Variants in HAPLN2 observed in about 807,000 individuals in gnomAD.
HAPLN2 encodes the protein hyaluronan and proteoglycan link protein 2, also known as brain link protein-1.
HAPLN2 carries 27 observed loss-of-function variants against 29.3 expected under a neutral mutation model. The observed-to-expected ratio is 0.92, with a 90% CI of 0.68 to 1.27. HAPLN2 has a LOEUF of 1.27. Among genes scored for constraint, HAPLN2 ranks in the 50% most tolerant of loss-of-function variants. HAPLN2 has a pLI of 0.00. For synonymous variants in HAPLN2, 208 were observed against 211.7 expected, an observed-to-expected ratio of 0.98 and a Z score of 0.15; for missense variants, 454 against 484.3, an observed-to-expected ratio of 0.94 and a Z score of 0.59.
the HAPLN2 span, among the ~76,000 whole-genome samples, chr1:156,611,266 TA>T: frequency 0.62 from 85,826 of 138,168 alleles, 27,618 homozygotes; most frequent in Non-Finnish European, 0.73. Flanking sequence ...AGTGAGACCC[TA>T]AAAAAAAAAA....
intron 3 of HAPLN2, 48 bp from the exon 4 acceptor site, chr1:156,623,759 G>A: frequency 6.8e-7 from 1 of 1,470,332 alleles, no homozygotes; most frequent in Middle Eastern, 1.8e-4. Context: ...TGGGCACTTG[G>A]GGCAGTGAGG....
chr1:156,623,572 C>T lies in HAPLN2; in HGVS notation c.82C>T (p.Pro28Ser). The change falls in exon 3 of 7, where the codon CCA becomes TCA. Residue 28 changes from proline to serine, a missense_variant. Transcript: ENST00000255039. ...CATCTTCCACAAAGCCCAAGGAGAC[C>T]CAGGTAAGACCCCAGCCCAGGCCAG... is the stretch of plus-strand genomic sequence containing the variant. ...FTIFHKAQGD[P>S]ASHPGPHYLL... 6.2e-7 allele frequency: 1 copy of T among 1,614,096 alleles called. No individual in the cohort carries two copies.
At chr1:156,609,256 A>G in the HAPLN2 span, among the ~76,000 whole-genome samples, 1 of 152,216 alleles carries the variant, frequency 6.6e-6, no homozygotes, top group Non-Finnish European at 1.5e-5. Context: ...CTGGGGATAC[A>G]GCCTTCCTGC....
At chr1:156,615,997 T>A (rs1397814152), upstream of HAPLN2, among the ~76,000 whole-genome samples, 1 of 152,178 alleles carries the variant, frequency 6.6e-6, no homozygotes, top group Non-Finnish European at 1.5e-5. Flanking sequence ...CCATGCCTTT[T>A]AAAGTCCTCC....
At chr1:156,615,880 CCTTAAAAAAATTTTTAGAGATCCTATCT>C (rs377505655), upstream of HAPLN2, among the ~76,000 whole-genome samples, 4,140 of 151,596 alleles carry the variant, frequency 0.027, 167 homozygotes, top group African/African-American at 0.09. Context: ...AAATCCCATC[CCTTAAAAAAATTTTTAGAGATCCTATCT>C]CTTAAAAAAA....
chr1:156,616,883 T>G (rs968471209), upstream of HAPLN2, among the ~76,000 whole-genome samples: 4 of 151,878 alleles, frequency 2.6e-5, no homozygotes, highest in Non-Finnish European at 4.4e-5. Context: ...GTCCAGGGGT[T>G]TGAGAGCAGC....
intron 3 of HAPLN2, 55 bp downstream of exon 3, chr1:156,623,630 T>C: frequency 6.2e-7 from 1 of 1,604,882 alleles, no homozygotes; most frequent in South Asian, 1.1e-5. Context: ...ACTGCAAGGG[T>C]GGGGAAAGGG....
At chr1:156,613,531 A>G in the HAPLN2 span, among the ~76,000 whole-genome samples, 666 of 152,318 alleles carry the variant, frequency 4.4e-3, 2 homozygotes, top group Non-Finnish European at 7.1e-3. Flanking sequence ...ATGTCTGTGC[A>G]TTTGTAAGTT....
chr1:156,607,275 T>C, the HAPLN2 span, among the ~76,000 whole-genome samples: 1 of 151,522 alleles, frequency 6.6e-6, no homozygotes, highest in African/African-American at 2.4e-5. Context: ...AGGTCAGGAG[T>C]TCAAGACCAG....
the HAPLN2 span, among the ~76,000 whole-genome samples, chr1:156,609,214 C>T: frequency 1.3e-5 from 2 of 152,350 alleles, no homozygotes; most frequent in East Asian, 3.9e-4. Flanking sequence ...GAGCCAGGTG[C>T]AGCGCCCAGA....
chr1:156,617,474 G>A (rs1039134988), upstream of HAPLN2, among the ~76,000 whole-genome samples: 1 of 150,130 alleles, frequency 6.7e-6, no homozygotes, highest in East Asian at 2.0e-4. Context: ...CAAGCCTCCC[G>A]AGGAGCTGGG....
At position 156,624,730 on chromosome 1, in the gene HAPLN2, G is replaced by A. The variant is rs774741030; in HGVS notation, c.686G>A (p.Arg229His). The A allele has an allele frequency of 1.9e-6, 3 of 1,561,800 alleles. No homozygotes were observed. The highest frequency in any genetic ancestry group is 2.6e-6 in the Non-Finnish European group (3 of 1,161,780). ...CCCGGGATCCGCAGCTACGGACCCC[G>A]CGACCGGATGCGCGACCGCTACGAC... ...GRPGIRSYGP[R>H]DRMRDRYDAF... Residue 229 changes from arginine to histidine, a missense_variant, in exon 6 of 7, where the codon CGC (arginine) becomes CAC (histidine). This residue lies in a region of HAPLN2 where 235 missense variants were observed against 236.9 expected (regional missense o/e 0.99). Coordinates refer to ENST00000255039, the MANE Select transcript of HAPLN2 (RefSeq NM_021817.3).
chr1:156,603,430 C>T, the HAPLN2 span, among the ~76,000 whole-genome samples: 2 of 151,494 alleles, frequency 1.3e-5, no homozygotes, highest in African/African-American at 4.8e-5. Flanking sequence ...CCCCACCTCT[C>T]CATCTCTTCT....
the HAPLN2 span, among the ~76,000 whole-genome samples, chr1:156,610,640 C>CA: frequency 0.065 from 7,869 of 121,340 alleles, 708 homozygotes; most frequent in African/African-American, 0.22. Context: ...AACTCCGTCT[C>CA]AAAAAAAAAA....
chr1:156,607,127 T>A, the HAPLN2 span, among the ~76,000 whole-genome samples: 1 of 152,212 alleles, frequency 6.6e-6, no homozygotes, highest in African/African-American at 2.4e-5. Context: ...CTTTGACAAG[T>A]GTCATCGAAT....
rs1678424678 is a variant in HAPLN2 at position 156,625,552 on chromosome 1, CGGCGGGGAGGGGA to C, written c.*176_*188del. On this transcript the variant is annotated 3_prime_UTR_variant, in exon 7 of 7. Transcript: ENST00000255039. The surrounding 1 kb of genome is among the most constrained non-coding windows in gnomAD (Gnocchi z 5.7). ...GGGCCTCGGACCCCGGCTGGCCCGG[CGGCGGGGAGGGGA>C]GGCGGGGGCGCCTCCGGCGGCGAGA... 2 of 676,386 alleles carry C rather than the reference CGGCGGGGAGGGGA, an allele frequency of 3.0e-6. No individual in the cohort carries two copies. The highest frequency in any genetic ancestry group is 3.2e-5 in the South Asian group (1 of 31,230). The allele number at this position is 676,386 out of a possible 1,614,324, so 41.9% of individuals were successfully genotyped here.
chr1:156,623,240 C>T (rs1169093678), intron 2 of HAPLN2, among the ~76,000 whole-genome samples: 2 of 151,852 alleles, frequency 1.3e-5, no homozygotes, highest in East Asian at 1.9e-4. Flanking sequence ...AAATTAGTAC[C>T]TGCAGGCTGA....
Position 156,625,349 on chromosome 1 carries a change from G to A in HAPLN2, c.988G>A (p.Ala330Thr), listed in dbSNP as rs752654629. The change falls in exon 7 of 7, where the codon GCA becomes ACA. Residue 330 changes from alanine to threonine, a missense_variant. Ala to Thr is a moderately conservative substitution (Grantham distance 58). Coordinates refer to ENST00000255039, the MANE Select transcript of HAPLN2 (RefSeq NM_021817.3). The surrounding 1 kb of genome is among the most constrained non-coding windows in gnomAD (Gnocchi z 5.7). ...TTTCGGCTTCCCCAGGCCCCAACAG[G>A]CAGCCTATGGGACCTACTGCTACGC... is the stretch of plus-strand genomic sequence containing the variant. The part of the protein sequence containing the change: ...RSFGFPRPQQ[A>T]AYGTYCYAEN 2 of 1,602,422 alleles carry A rather than the reference G, an allele frequency of 1.2e-6. No homozygotes were observed. Among genetic ancestry groups the A allele is most frequent in the East Asian group, 2.3e-5 (1 of 44,182 alleles).
In HAPLN2 at chr1:156,623,992, G is replaced by C. The variant is rs771768363; in HGVS notation, c.271G>C (p.Ala91Pro). The change falls in exon 4 of 7, where the codon GCC (alanine) becomes CCC (proline). Residue 91 changes from alanine to proline, a missense_variant. This residue lies in a region of HAPLN2 where 204 missense variants were observed against 209.2 expected (regional missense o/e 0.98). Coordinates refer to ENST00000255039, the MANE Select transcript of HAPLN2 (RefSeq NM_021817.3). ...GATCCTCATCACCAACGGACTGCAC[G>C]CCCGGGGGTATGGGCCCCTGGGAGG... is the stretch of plus-strand genomic sequence containing the variant. The part of the protein sequence containing the change: ...TLILITNGLH[A>P]RGYGPLGGRA... 108 of 1,608,680 alleles carry C rather than the reference G, an allele frequency of 6.7e-5. 1 individual carries two copies. Among genetic ancestry groups the C allele is most frequent in the Non-Finnish European group, 8.9e-5 (105 of 1,177,458 alleles).
Sources: allele counts gnomAD v4.1 joint callset (sites outside exome capture counted in the v4.1 genomes callset), GRCh38; gene constraint gnomAD v4.1.1; regional missense constraint gnomAD v4.1.1; non-coding constraint Gnocchi (gnomAD v3.1); transcripts MANE v1.5; gene names NCBI Gene and HGNC (gene_info 2026-07-23, HGNC 2026-07-21).